Variants in CGGBP1 observed in about 807,000 individuals in gnomAD.
CGGBP1 encodes CGG triplet repeat-binding protein 1.
Under a neutral mutation model 11.4 loss-of-function variants are expected in CGGBP1, and 4 were observed. The ratio of observed to expected loss-of-function variants is 0.35; its 90% CI spans 0.17 to 0.80. The LOEUF (loss-of-function observed/expected upper bound fraction) is 0.80. CGGBP1 is among the 30% of genes least tolerant of loss of function. The pLI is 0.52. For synonymous variants in CGGBP1, 76 were observed against 74.1 expected (o/e 1.03, Z -0.13); for missense variants, 135 against 202.1 (o/e 0.67, Z 2.01).
intron 2 of CGGBP1, among the ~76,000 whole-genome samples, chr3:88,066,544 A>G (rs1707208291): frequency 6.6e-6 from 1 of 152,176 alleles, no homozygotes; most frequent in Non-Finnish European, 1.5e-5. Context: ...CCTGGCTGAC[A>G]GAGCGAGACT....
At chr3:88,141,922 G>C (rs952742192) in intron 1 of CGGBP1, 29 of 309,660 alleles carry the variant, frequency 9.4e-5, no homozygotes, top group African/African-American at 6.2e-4. Flanking sequence ...AGCATGTTCA[G>C]TTTCGCTTAT....
chr3:88,055,970 G>A lies in CGGBP1; in HGVS notation c.7C>T (p.Arg3Ter). 6.2e-7 allele frequency: 1 copy of A among 1,605,242 alleles called. No homozygotes were observed. Among genetic ancestry groups the A allele is most frequent in the Non-Finnish European group, 8.5e-7 (1 of 1,174,712 alleles). ME[R>*]FVVTAPPARN... is the part of the protein sequence containing the mutation. ...GCAGGTGGTGCTGTTACTACAAATC[G>A]CTCCATTCTGACTCTAAATAAATAT... is the stretch of plus-strand genomic sequence containing the variant. The change falls in exon 4 of 4, where the codon CGA becomes TGA. Residue 3 changes from arginine to a stop codon, truncating the protein, a stop_gained. Coordinates refer to ENST00000482016, the MANE Select transcript of CGGBP1 (RefSeq NM_001008390.2). LOFTEE classifies it high-confidence loss of function. This position sits in a 1 kb window ranked among gnomAD's most constrained non-coding sequence, Gnocchi z 4.2.
At chr3:88,145,793 CTTGT>C (rs1707302550) in intron 1 of CGGBP1, among the ~76,000 whole-genome samples, 1 of 152,096 alleles carries the variant, frequency 6.6e-6, no homozygotes, top group African/African-American at 2.4e-5. Flanking sequence ...GAAGAAATGG[CTTGT>C]TTATGTGTGC....
Position 88,099,266 on chromosome 3 carries a change from A to C in CGGBP1, c.-228-41043T>G, listed in dbSNP as rs577002848. Among the ~76,000 whole-genome samples, 17 of 152,306 alleles carry C rather than the reference A, an allele frequency of 1.1e-4. No individual in the cohort carries two copies. The East Asian group carries it at 3.3e-3, about 29-fold the overall frequency. ...AGAGAATAAAATACCTAGGAATCCA[A>C]CTTACAAGGGATGTGAAGGACCTCT... On this transcript the variant is annotated intron_variant, in intron 2 of 3. Transcript: ENST00000462901.
chr3:88,144,056 T>C (rs1707247610), intron 1 of CGGBP1: 1 of 152,362 alleles, frequency 6.6e-6, no homozygotes, highest in Admixed American at 6.6e-5. Context: ...TTCAAATCTT[T>C]GTTTTTAAAT....
chr3:88,102,087 C>G (rs1488670923), intron 2 of CGGBP1, among the ~76,000 whole-genome samples: 4 of 151,998 alleles, frequency 2.6e-5, no homozygotes, highest in Admixed American at 6.6e-5. Context: ...TTATCCCATG[C>G]TATATCTTGT....
intron 2 of CGGBP1, among the ~76,000 whole-genome samples, chr3:88,096,544 G>T (rs1704070937): frequency 6.6e-6 from 1 of 152,074 alleles, no homozygotes; most frequent in African/African-American, 2.4e-5. Context: ...CATTTCCACT[G>T]ATTATTGAAT....
intron 2 of CGGBP1, among the ~76,000 whole-genome samples, chr3:88,117,930 T>G (rs1345291545): frequency 8.2e-6 from 1 of 122,390 alleles, no homozygotes; most frequent in African/African-American, 2.8e-5. Flanking sequence ...CCAGTACTAT[T>G]GCCCAATAGA....
At chr3:88,059,795 C>T (rs1464351038), upstream of CGGBP1, among the ~76,000 whole-genome samples, 1 of 152,106 alleles carries the variant, frequency 6.6e-6, no homozygotes, top group Non-Finnish European at 1.5e-5. Flanking sequence ...GACATGCCTT[C>T]CCTACCCCAA....
chr3:88,055,969 C>T lies in CGGBP1; in HGVS notation c.8G>A (p.Arg3Gln), dbSNP rs779164321. The change falls in exon 4 of 4, where the codon CGA (arginine) becomes CAA (glutamine). Residue 3 changes from arginine (R) to glutamine (Q), a missense_variant. By Grantham distance (43) the Arg-to-Gln change is conservative. Coordinates refer to ENST00000482016, the MANE Select transcript of CGGBP1 (RefSeq NM_001008390.2). This position sits in a 1 kb window ranked among gnomAD's most constrained non-coding sequence, Gnocchi z 4.2. ME[R>Q]FVVTAPPARN... ...AGCAGGTGGTGCTGTTACTACAAAT[C>T]GCTCCATTCTGACTCTAAATAAATA... 11 of 1,606,454 alleles carry T rather than the reference C, an allele frequency of 6.8e-6. No individual in the cohort carries two copies. Among genetic ancestry groups the T allele is most frequent in the East Asian group, 2.2e-5 (1 of 44,756 alleles).
intron 2 of CGGBP1, among the ~76,000 whole-genome samples, chr3:88,074,171 C>T (rs1707669086): frequency 6.6e-6 from 1 of 151,982 alleles, no homozygotes; most frequent in Non-Finnish European, 1.5e-5. Flanking sequence ...CAAATTCTTC[C>T]CCTTCTAGAG....
At chr3:88,103,546 A>T (rs1413474122) in intron 2 of CGGBP1, among the ~76,000 whole-genome samples, 1 of 152,164 alleles carries the variant, frequency 6.6e-6, no homozygotes, top group African/African-American at 2.4e-5. Flanking sequence ...GAGGCAGAAT[A>T]AATATTGACA....
chr3:88,064,359 A>T (rs1707075551), intron 2 of CGGBP1, among the ~76,000 whole-genome samples: 1 of 152,080 alleles, frequency 6.6e-6, no homozygotes, highest in African/African-American at 2.4e-5. Context: ...CACTATGTAC[A>T]CTTTGATTAT....
chr3:88,109,995 T>C lies in CGGBP1; in HGVS notation c.-229+30975A>G, dbSNP rs60078582. On this transcript the variant is annotated intron_variant, in intron 2 of 3. Transcript: ENST00000462901. The stretch of plus-strand genomic sequence containing the variant: ...CTGTTACATTTCAACAAAATTGACA[T>C]ATGCATAGCTGAGCAGAACAAACCT... 8.4e-3 allele frequency among the ~76,000 whole-genome samples: 1,275 copies of C among 152,232 alleles called. 13 individuals are homozygous for C. Among genetic ancestry groups the C allele is most frequent in the African/African-American group, 0.027 (1,142 of 41,564 alleles).
intron 2 of CGGBP1, among the ~76,000 whole-genome samples, chr3:88,091,962 C>T (rs1708654729): frequency 6.6e-6 from 1 of 152,150 alleles, no homozygotes; most frequent in Non-Finnish European, 1.5e-5. Flanking sequence ...TTTTCTACTA[C>T]TGCCCATGTA....
chr3:88,076,158 TGTATA>T (rs1707791493), intron 2 of CGGBP1, among the ~76,000 whole-genome samples: 1 of 152,230 alleles, frequency 6.6e-6, no homozygotes, highest in South Asian at 2.1e-4. Flanking sequence ...TTATATTACT[TGTATA>T]GTAGTCTCAG....
intron 2 of CGGBP1, among the ~76,000 whole-genome samples, chr3:88,112,648 G>C (rs185560764): frequency 2.0e-5 from 3 of 151,888 alleles, no homozygotes; most frequent in Non-Finnish European, 4.4e-5. Flanking sequence ...AATGTTGGCC[G>C]AGAGTTTTAT....
intron 3 of CGGBP1, chr3:88,056,806 G>C (rs1007487930): frequency 2.0e-5 from 3 of 152,030 alleles, no homozygotes; most frequent in African/African-American, 4.8e-5. Flanking sequence ...AAATTTGATG[G>C]AAAAAGTACG....
chr3:88,126,014 T>A (rs1476165645), intron 2 of CGGBP1: 1 of 1,115,156 alleles, frequency 9.0e-7, no homozygotes, highest in Non-Finnish European at 1.2e-6. Flanking sequence ...TAGTAACCCT[T>A]TCTCTTTTAT....
Sources: allele counts gnomAD v4.1 joint callset (sites outside exome capture counted in the v4.1 genomes callset), GRCh38; gene constraint gnomAD v4.1.1; non-coding constraint Gnocchi (gnomAD v3.1); transcripts MANE v1.5; gene names NCBI Gene and HGNC (gene_info 2026-07-23, HGNC 2026-07-21).